Variants in ROBO2 observed in about 807,000 individuals in gnomAD.
The protein encoded by ROBO2 is roundabout guidance receptor 2.
A neutral mutation model predicts 160.8 loss-of-function variants in ROBO2; 53 were observed. That is an observed-to-expected ratio of 0.33 (90% CI 0.26 to 0.41). The LOEUF (loss-of-function observed/expected upper bound fraction) is 0.41. Ranked by LOEUF, ROBO2 falls within the 10% of genes least tolerant of loss-of-function variation. The pLI, the probability that ROBO2 is intolerant of heterozygous loss-of-function variation, is 1.00. For synonymous variants in ROBO2, 664 were observed against 611.7 expected, an observed-to-expected ratio of 1.09 and a Z score of -1.26; for missense variants, 1,577 against 1,722.4, an observed-to-expected ratio of 0.92 and a Z score of 1.49.
rs551778466 is a variant in ROBO2, at chr3:76,623,273, A to C, written c.110-474741A>C. Among the ~76,000 whole-genome samples, 6 of 152,322 alleles carry C rather than the reference A, an allele frequency of 3.9e-5. No homozygotes were observed. In the East Asian group the frequency reaches 1.2e-3, roughly 29 times the overall value. On this transcript the variant is annotated intron_variant, in intron 2 of 26. Coordinates refer to the ROBO2 transcript ENST00000487694. ...AACTTTTTTCCAGGTAGCTAAGAAC[A>C]GAAGAGCTATCTTGCCAATGTGCTC...
At chr3:76,272,118 T>C (rs1001398979) in intron 2 of ROBO2, among the ~76,000 whole-genome samples, 7 of 152,152 alleles carry the variant, frequency 4.6e-5, no homozygotes, top group African/African-American at 1.2e-4. Flanking sequence ...TGCAAAGTTA[T>C]TATTGCCTGA....
chr3:76,024,921 G>A (rs910478485), intron 2 of ROBO2, among the ~76,000 whole-genome samples: 1 of 150,194 alleles, frequency 6.7e-6, no homozygotes, highest in African/African-American at 2.4e-5. Context: ...AAAAGTATAT[G>A]TATGTGTGTG....
chr3:77,553,236 A>AT (rs1313540812), intron 8 of ROBO2, among the ~76,000 whole-genome samples: 1 of 151,856 alleles, frequency 6.6e-6, no homozygotes, highest in Non-Finnish European at 1.5e-5. Context: ...TACTACTATA[A>AT]TTTTTGGGGG....
At position 77,335,001 on chromosome 3, in the gene ROBO2, G is replaced by A. The variant is rs192129172; in HGVS notation, c.389-142413G>A. On this transcript the variant is annotated intron_variant, in intron 2 of 25. Transcript: ENST00000461745. ...ATACTGATTGCCCAAACTAAAAGAA[G>A]TTAAAACTTGAAGTGGTAATTTAGT... Among the ~76,000 whole-genome samples the A allele has an allele frequency of 2.4e-3, 370 of 152,316 alleles. 1 individual carries two copies. Among genetic ancestry groups the A allele is most frequent in the Admixed American group, 7.7e-3 (118 of 15,300 alleles).
At chr3:76,394,640 T>A (rs1027124805) in intron 2 of ROBO2, among the ~76,000 whole-genome samples, 8 of 151,982 alleles carry the variant, frequency 5.3e-5, no homozygotes, top group African/African-American at 1.9e-4. Context: ...TGGCGTTCTC[T>A]GTATTTCCTG....
chr3:76,046,635 C>G (rs926921081), intron 2 of ROBO2, among the ~76,000 whole-genome samples: 2 of 151,816 alleles, frequency 1.3e-5, no homozygotes, highest in African/African-American at 2.4e-5. Flanking sequence ...GTGACAGAGC[C>G]AGACTCCGTC....
intron 2 of ROBO2, among the ~76,000 whole-genome samples, chr3:76,846,299 C>T (rs2148503728): frequency 6.6e-6 from 1 of 152,166 alleles, no homozygotes; most frequent in Non-Finnish European, 1.5e-5. Context: ...CTTCTTTGCA[C>T]ATAAACTAGT....
chr3:76,305,478 C>T (rs933061181), intron 2 of ROBO2, among the ~76,000 whole-genome samples: 9 of 141,984 alleles, frequency 6.3e-5, no homozygotes, highest in Non-Finnish European at 1.2e-4. Flanking sequence ...CAAGAATCAT[C>T]GGCAGGGTGT....
At chr3:77,214,815 A>G (rs1214689698) in intron 2 of ROBO2, among the ~76,000 whole-genome samples, 2 of 152,090 alleles carry the variant, frequency 1.3e-5, no homozygotes, top group East Asian at 1.9e-4. Flanking sequence ...TCTGTAAAGT[A>G]TTTTATTCCT....
intron 2 of ROBO2, among the ~76,000 whole-genome samples, chr3:77,257,981 A>G (rs928474280): frequency 4.1e-4 from 62 of 152,330 alleles, no homozygotes; most frequent in African/African-American, 1.4e-3. Flanking sequence ...AAATGTCTTG[A>G]CTAGAATTTG....
intron 2 of ROBO2, among the ~76,000 whole-genome samples, chr3:76,493,048 T>C (rs920696899): frequency 6.6e-5 from 10 of 152,006 alleles, no homozygotes; most frequent in South Asian, 2.1e-4. Context: ...GTATTTAAAA[T>C]AGAAAAAGGC....
At chr3:76,816,386 A>C (rs529467807) in intron 2 of ROBO2, among the ~76,000 whole-genome samples, 1 of 152,234 alleles carries the variant, frequency 6.6e-6, no homozygotes, top group African/African-American at 2.4e-5. Flanking sequence ...CGATAGGAAG[A>C]GTACAGAATT....
chr3:77,084,184 T>TA (rs772451841), intron 1 of ROBO2, among the ~76,000 whole-genome samples: 3 of 151,960 alleles, frequency 2.0e-5, no homozygotes, highest in Non-Finnish European at 1.5e-5. Flanking sequence ...AATGTTCTTT[T>TA]AAAAAAAATT....
chr3:76,006,519 T>C (rs2066024696), intron 2 of ROBO2, among the ~76,000 whole-genome samples: 1 of 152,162 alleles, frequency 6.6e-6, no homozygotes, highest in African/African-American at 2.4e-5. Context: ...GCTATTTACC[T>C]ATCCTTCTTT....
At chr3:77,070,502 T>C (rs571309569) in intron 1 of ROBO2, among the ~76,000 whole-genome samples, 1 of 152,194 alleles carries the variant, frequency 6.6e-6, no homozygotes, top group Non-Finnish European at 1.5e-5. Context: ...TCTCCATCCT[T>C]CCCTTAATTA....
chr3:76,579,060 T>G (rs562837652), intron 2 of ROBO2, among the ~76,000 whole-genome samples: 3 of 152,236 alleles, frequency 2.0e-5, no homozygotes, highest in African/African-American at 7.2e-5. Flanking sequence ...CCACCTTACT[T>G]CGATCATTTT....
At chr3:76,726,062 A>G (rs2093547510) in intron 2 of ROBO2, among the ~76,000 whole-genome samples, 1 of 152,202 alleles carries the variant, frequency 6.6e-6, no homozygotes, top group Non-Finnish European at 1.5e-5. Flanking sequence ...GAAAGCTAAC[A>G]TCACACGCGC....
chr3:76,383,859 A>C (rs1446799037), intron 2 of ROBO2, among the ~76,000 whole-genome samples: 1 of 152,246 alleles, frequency 6.6e-6, no homozygotes, highest in Non-Finnish European at 1.5e-5. Flanking sequence ...ATGTAAGGTT[A>C]CATGAGAGAC....
intron 2 of ROBO2, among the ~76,000 whole-genome samples, chr3:76,591,314 A>C (rs2086402994): frequency 6.6e-6 from 1 of 152,126 alleles, no homozygotes; most frequent in African/African-American, 2.4e-5. Flanking sequence ...TAGACTGAGA[A>C]GGAGATAAAA....
Sources: gnomAD v4.1 joint callset for allele counts (sites outside exome capture counted in the v4.1 genomes callset) on GRCh38, gnomAD v4.1.1 for gene constraint, MANE v1.5 for transcripts, NCBI Gene and HGNC (gene_info 2026-07-23, HGNC 2026-07-21) for gene names.